GALNTL6: variants seen among roughly 807,000 people sequenced by gnomAD.
GALNTL6 encodes polypeptide N-acetylgalactosaminyltransferase-like 6.
In GALNTL6, 46 loss-of-function variants were observed where a neutral mutation model predicts 73.7. That is an observed-to-expected ratio of 0.62 (90% CI 0.49 to 0.80). The LOEUF is 0.80. GALNTL6 is among the 30% of genes least tolerant of loss of function. The pLI is 0.00. For synonymous variants in GALNTL6, 259 were observed against 263.7 expected, an observed-to-expected ratio of 0.98 and a Z score of 0.17; for missense variants, 604 against 755.0, an observed-to-expected ratio of 0.80 and a Z score of 2.34.
chr4:172,357,077 CATA>C (rs576804058), intron 5 of GALNTL6, among the ~76,000 whole-genome samples: 2 of 152,094 alleles, frequency 1.3e-5, no homozygotes, highest in Non-Finnish European at 2.9e-5. Context: ...TCATGAGAAT[CATA>C]ATGACTTTAG....
At chr4:172,635,719 A>C (rs1050093067) in intron 5 of GALNTL6, among the ~76,000 whole-genome samples, 7 of 152,144 alleles carry the variant, frequency 4.6e-5, no homozygotes, top group African/African-American at 1.4e-4. Context: ...ATTGTGGATG[A>C]TCAGATCCAA....
At chr4:172,098,074 T>C (rs991733088) in intron 2 of GALNTL6, among the ~76,000 whole-genome samples, 3 of 152,150 alleles carry the variant, frequency 2.0e-5, no homozygotes, top group East Asian at 1.9e-4. Flanking sequence ...CCATTATGTA[T>C]AATAATCTGT....
chr4:171,868,748 C>T (rs891234865), intron 2 of GALNTL6, among the ~76,000 whole-genome samples: 1 of 152,004 alleles, frequency 6.6e-6, no homozygotes, highest in African/African-American at 2.4e-5. Context: ...GTGGTGTGAT[C>T]TTGGCCCACT....
At chr4:172,587,983 C>T (rs975711276) in intron 5 of GALNTL6, among the ~76,000 whole-genome samples, 5 of 152,152 alleles carry the variant, frequency 3.3e-5, no homozygotes, top group Non-Finnish European at 7.3e-5. Flanking sequence ...TCATTTTGCC[C>T]ATAGTAGGCC....
At chr4:171,833,473 C>T (rs1220878799) in intron 2 of GALNTL6, among the ~76,000 whole-genome samples, 2 of 151,704 alleles carry the variant, frequency 1.3e-5, no homozygotes, top group African/African-American at 2.4e-5. Flanking sequence ...AAATACCTGG[C>T]TAAAATCTTA....
chr4:172,062,687 A>C (rs1024968935), intron 2 of GALNTL6, among the ~76,000 whole-genome samples: 6 of 152,260 alleles, frequency 3.9e-5, no homozygotes, highest in African/African-American at 1.4e-4. Flanking sequence ...TGCAATTCTA[A>C]GATACAACCA....
chr4:172,749,723 G>C lies in GALNTL6; in HGVS notation c.554-59638G>C, dbSNP rs927053890. Among the ~76,000 whole-genome samples the C allele has an allele frequency of 7.3e-5, 11 of 151,176 alleles. No individual in the cohort carries two copies. The East Asian group carries it at 2.1e-3, about 29-fold the overall frequency. Reference sequence around the variant, plus strand: ...ATATCTAATTCCCAATTTCATACTTGATAGCTTTACAGCTCTTAATTTGAA... The same window carrying C: ...ATATCTAATTCCCAATTTCATACTTCATAGCTTTACAGCTCTTAATTTGAA... On this transcript the variant is annotated intron_variant, in intron 5 of 12. Coordinates refer to ENST00000506823, the MANE Select transcript of GALNTL6 (RefSeq NM_001034845.3).
chr4:172,955,527 C>CA (rs200083189), intron 10 of GALNTL6, among the ~76,000 whole-genome samples: 33 of 150,410 alleles, frequency 2.2e-4, no homozygotes, highest in East Asian at 1.8e-3. Context: ...TAATCTCTGA[C>CA]AAAAAAAAAG....
intron 5 of GALNTL6, among the ~76,000 whole-genome samples, chr4:172,432,410 G>A (rs998851661): frequency 6.6e-6 from 1 of 151,752 alleles, no homozygotes; most frequent in South Asian, 2.1e-4. Flanking sequence ...AACATGAGCA[G>A]AATAAAAAAG....
chr4:172,062,329 C>T (rs1454537179), intron 2 of GALNTL6, among the ~76,000 whole-genome samples: 1 of 151,980 alleles, frequency 6.6e-6, no homozygotes. Flanking sequence ...AGAAGTAGAC[C>T]AAATACGAAT....
intron 5 of GALNTL6, among the ~76,000 whole-genome samples, chr4:172,514,718 G>A (rs1343062896): frequency 6.6e-6 from 1 of 152,166 alleles, no homozygotes; most frequent in East Asian, 1.9e-4. Flanking sequence ...GGGCCCCTGT[G>A]AGATACGGTC....
At chr4:172,585,889 C>T (rs1242506473) in intron 5 of GALNTL6, among the ~76,000 whole-genome samples, 1 of 151,930 alleles carries the variant, frequency 6.6e-6, no homozygotes, top group African/African-American at 2.4e-5. Context: ...ATTTATGTGA[C>T]CAACAAACAT....
intron 8 of GALNTL6, 125 bp from the exon 9 acceptor site, chr4:172,931,035 TA>T (rs1271165611): frequency 7.5e-6 from 5 of 663,942 alleles, no homozygotes; most frequent in Non-Finnish European, 1.1e-5. Flanking sequence ...GTTAGCCATT[TA>T]TAATAAGTAG....
chr4:172,783,088 C>T (rs142654908), intron 5 of GALNTL6, among the ~76,000 whole-genome samples: 18 of 151,496 alleles, frequency 1.2e-4, no homozygotes, highest in Non-Finnish European at 1.6e-4. Context: ...GAAACATAAC[C>T]ACCAAGGTTT....
intron 8 of GALNTL6, among the ~76,000 whole-genome samples, chr4:172,896,164 A>G (rs1746319604): frequency 6.6e-6 from 1 of 152,140 alleles, no homozygotes; most frequent in South Asian, 2.1e-4. Flanking sequence ...ATATCCCTTC[A>G]TCTTCTTGAT....
At chr4:172,646,917 T>C (rs890330137) in intron 5 of GALNTL6, among the ~76,000 whole-genome samples, 1 of 152,092 alleles carries the variant, frequency 6.6e-6, no homozygotes, top group Admixed American at 6.6e-5. Flanking sequence ...GGAACAATTA[T>C]TCTTCATCAG....
intron 9 of GALNTL6, among the ~76,000 whole-genome samples, chr4:172,945,065 A>G (rs544300110): frequency 1.4e-3 from 215 of 151,810 alleles, no homozygotes; most frequent in African/African-American, 5.0e-3. Context: ...TCTCAAAAAA[A>G]AAAAAAAGAA....
At chr4:172,500,680 T>G (rs1034924280) in intron 5 of GALNTL6, among the ~76,000 whole-genome samples, 10 of 152,142 alleles carry the variant, frequency 6.6e-5, no homozygotes, top group South Asian at 2.1e-4. Flanking sequence ...AGGAAGTTTT[T>G]TTTTTTGTTT....
At chr4:172,948,337 G>A (rs1277236419) in intron 9 of GALNTL6, among the ~76,000 whole-genome samples, 1 of 152,166 alleles carries the variant, frequency 6.6e-6, no homozygotes, top group Non-Finnish European at 1.5e-5. Context: ...TACAGAAAAG[G>A]AATCGATGAT....
Sources: gnomAD v4.1 joint callset for allele counts (sites outside exome capture counted in the v4.1 genomes callset) on GRCh38, gnomAD v4.1.1 for gene constraint, MANE v1.5 for transcripts, NCBI Gene and HGNC (gene_info 2026-07-23, HGNC 2026-07-21) for gene names.